Variants in TRPC6 observed in about 807,000 individuals in gnomAD.
TRPC6 encodes the protein short transient receptor potential channel 6.
In TRPC6, 55 loss-of-function variants were observed where a neutral mutation model predicts 90.7. The ratio of observed to expected loss-of-function variants is 0.61; its 90% CI spans 0.49 to 0.76. The LOEUF is 0.76. Ranked by LOEUF, TRPC6 falls within the 30% of genes least tolerant of loss-of-function variation. TRPC6 has a pLI of 0.00. For synonymous variants in TRPC6, 393 were observed against 393.0 expected (o/e 1.00, Z 0.00); for missense variants, 989 against 1,122.7 (o/e 0.88, Z 1.70).
At chr11:101,558,298 TGG>T (rs1407049560) in intron 1 of TRPC6, among the ~76,000 whole-genome samples, 1 of 86,976 alleles carries the variant, frequency 1.1e-5, no homozygotes, top group Non-Finnish European at 2.7e-5. Flanking sequence ...TACATGTATA[TGG>T]GTATACATGT....
intron 1 of TRPC6, among the ~76,000 whole-genome samples, chr11:101,550,516 T>C (rs1203738479): frequency 1.3e-5 from 2 of 151,710 alleles, no homozygotes; most frequent in East Asian, 3.8e-4. Context: ...TAATAATAAT[T>C]TTCATAACCT....
chr11:101,529,458 C>T (rs1349195043), intron 1 of TRPC6, among the ~76,000 whole-genome samples: 1 of 152,174 alleles, frequency 6.6e-6, no homozygotes, highest in Non-Finnish European at 1.5e-5. Flanking sequence ...ATCTCTTGCC[C>T]TTTAACTAGG....
At chr11:101,492,137 C>A (rs1350414330) in intron 2 of TRPC6, among the ~76,000 whole-genome samples, 2 of 151,964 alleles carry the variant, frequency 1.3e-5, no homozygotes, top group Non-Finnish European at 2.9e-5. Context: ...CCATGCCCAG[C>A]CGAGAAACAT....
chr11:101,526,861 C>CAA (rs573864895), intron 1 of TRPC6, among the ~76,000 whole-genome samples: 1,142 of 36,122 alleles, frequency 0.032, 211 homozygotes, highest in East Asian at 0.053. Context: ...GAGACTGTCT[C>CAA]AAAAAAAAAA....
chr11:101,526,920 A>C (rs1208222028), intron 1 of TRPC6, among the ~76,000 whole-genome samples: 1 of 147,590 alleles, frequency 6.8e-6, no homozygotes, highest in African/African-American at 2.5e-5. Context: ...TAGTTCCTGG[A>C]CAATAGAAAA....
intron 5 of TRPC6, among the ~76,000 whole-genome samples, chr11:101,477,507 TTATTAA>T: frequency 6.6e-6 from 1 of 152,212 alleles, no homozygotes; most frequent in Non-Finnish European, 1.5e-5. Flanking sequence ...TGACAGGAAC[TTATTAA>T]TAGTAGTTGT....
intron 5 of TRPC6, among the ~76,000 whole-genome samples, chr11:101,480,470 G>T (rs1214979269): frequency 6.6e-6 from 1 of 151,834 alleles, no homozygotes; most frequent in Non-Finnish European, 1.5e-5. Flanking sequence ...GTGCTCTCAA[G>T]TTTATACATA....
Position 101,583,391 on chromosome 11 carries a change from AG to A in TRPC6, c.112del (p.Leu38TrpfsTer42). ...GGCTTGCGGGCAGCCGTCTTCTCCC[AG>A]CTCCGAGTCCATGAGCAGATAGTCC... ...SQDYLLMDSE[L>X]GEDGCPQAPL... On this transcript the variant is annotated frameshift_variant, in exon 1 of 13. Coordinates refer to ENST00000344327, the MANE Select transcript of TRPC6 (RefSeq NM_004621.6). LOFTEE classifies it high-confidence loss of function. The A allele has an allele frequency of 1.3e-6, 2 of 1,591,328 alleles. No homozygotes were observed. The highest frequency in any genetic ancestry group is 8.6e-7 in the Non-Finnish European group (1 of 1,168,986).
chr11:101,524,270 A>G (rs1294082245), intron 1 of TRPC6, among the ~76,000 whole-genome samples: 1 of 152,106 alleles, frequency 6.6e-6, no homozygotes, highest in Non-Finnish European at 1.5e-5. Context: ...TATTTTTTAG[A>G]CATAGTCTCA....
At chr11:101,491,858 T>TTTTTTTA (rs1859828018) in intron 2 of TRPC6, 120 bp from the exon 3 acceptor site, 1 of 721,744 alleles carries the variant, frequency 1.4e-6, no homozygotes, top group Non-Finnish European at 2.0e-6. Context: ...TTTTTTTTTT[T>TTTTTTTA]GAGACGGAGC....
intron 1 of TRPC6, among the ~76,000 whole-genome samples, chr11:101,550,634 A>G (rs1273915100): frequency 6.6e-6 from 1 of 151,756 alleles, no homozygotes; most frequent in Non-Finnish European, 1.5e-5. Flanking sequence ...ATAAAGGGCA[A>G]TTGAATAACA....
In TRPC6 at chr11:101,504,373, G is replaced by T. The variant is rs1199221327; in HGVS notation, c.596C>A (p.Ser199Tyr). The change falls in exon 2 of 13, where the codon TCT (serine) becomes TAT (tyrosine). Residue 199 changes from serine to tyrosine, a missense_variant. Around this residue, in one of 4 missense-constraint regions of TRPC6, gnomAD observed 486 missense variants for 591.9 expected, o/e 0.82. Transcript: ENST00000344327. ...GKRLATSPSQ[S>Y]ELQQDDFYAY... Reference sequence around the variant, plus strand: ...ATAAAAATCATCTTGCTGGAGTTCAGACTGGCTAGGGCTGGTTGCTAACCT... The same window carrying T: ...ATAAAAATCATCTTGCTGGAGTTCATACTGGCTAGGGCTGGTTGCTAACCT... 1 of 1,614,116 alleles carries T rather than the reference G, an allele frequency of 6.2e-7. No individual in the cohort carries two copies. Among genetic ancestry groups the T allele is most frequent in the East Asian group, 2.2e-5 (1 of 44,876 alleles).
At chr11:101,576,556 C>T (rs570072381) in intron 1 of TRPC6, among the ~76,000 whole-genome samples, 5 of 152,162 alleles carry the variant, frequency 3.3e-5, no homozygotes, top group East Asian at 1.9e-4. Flanking sequence ...TTAATTGAAA[C>T]TTGGCATATG....
intron 1 of TRPC6, among the ~76,000 whole-genome samples, chr11:101,560,166 C>T (rs781341099): frequency 2.6e-5 from 4 of 152,044 alleles, no homozygotes; most frequent in Non-Finnish European, 5.9e-5. Flanking sequence ...TGGAAACTGA[C>T]CTATTATTCA....
chr11:101,564,653 G>T (rs973416448), intron 1 of TRPC6, among the ~76,000 whole-genome samples: 4 of 151,978 alleles, frequency 2.6e-5, no homozygotes, highest in Non-Finnish European at 5.9e-5. Flanking sequence ...ATTACCCAAA[G>T]TGATAATAGA....
At chr11:101,552,785 G>A (rs571912539) in intron 1 of TRPC6, among the ~76,000 whole-genome samples, 14 of 151,998 alleles carry the variant, frequency 9.2e-5, no homozygotes, top group African/African-American at 1.7e-4. Flanking sequence ...TCTTATAGCC[G>A]CTCAGGATCA....
chr11:101,459,330 G>T (rs1222477239), intron 10 of TRPC6, among the ~76,000 whole-genome samples: 1 of 152,136 alleles, frequency 6.6e-6, no homozygotes, highest in Non-Finnish European at 1.5e-5. Context: ...CGATTGTCTG[G>T]GAAAGTCAGT....
At chr11:101,533,912 A>C (rs1860972342) in intron 1 of TRPC6, among the ~76,000 whole-genome samples, 1 of 152,116 alleles carries the variant, frequency 6.6e-6, no homozygotes, top group African/African-American at 2.4e-5. Context: ...GTATTGGCTT[A>C]CAGCTGATGA....
chr11:101,456,367 TTAAA>T (rs1199078611), intron 10 of TRPC6, among the ~76,000 whole-genome samples: 3 of 152,164 alleles, frequency 2.0e-5, no homozygotes, highest in Non-Finnish European at 4.4e-5. Flanking sequence ...ACATAACATC[TTAAA>T]TAATATAATG....
Sources: allele counts gnomAD v4.1 joint callset (sites outside exome capture counted in the v4.1 genomes callset), GRCh38; gene constraint gnomAD v4.1.1; regional missense constraint gnomAD v4.1.1; transcripts MANE v1.5; gene names NCBI Gene and HGNC (gene_info 2026-07-23, HGNC 2026-07-21).